The following RBMS1 variants were observed in gnomAD, a reference collection of about 807,000 sequenced individuals.
RBMS1 encodes RNA binding motif single stranded interacting protein 1.
In RBMS1, 17 loss-of-function variants were observed where a neutral mutation model predicts 62.3. The observed-to-expected ratio is 0.27, with a 90% CI of 0.19 to 0.41. The LOEUF is 0.41. Ranked by LOEUF, RBMS1 falls within the 10% of genes least tolerant of loss-of-function variation. The pLI is 1.00. For missense variants in RBMS1, 334 were observed against 504.5 expected (o/e 0.66, Z 3.24); for synonymous variants, 172 against 170.0 (o/e 1.01, Z -0.09).
At chr2:160,283,306 A>C in intron 9 of RBMS1, 1 of 152,232 alleles carries the variant, frequency 6.6e-6, no homozygotes, top group Non-Finnish European at 1.5e-5. Context: ...CATAGCAGAC[A>C]CATGAATTGT....
intron 1 of RBMS1, among the ~76,000 whole-genome samples, chr2:160,446,409 CTG>C (rs1683648087): frequency 6.6e-6 from 1 of 152,206 alleles, no homozygotes. Flanking sequence ...ACACTTCTAC[CTG>C]TTTGTTCTAA....
chr2:160,334,904 C>A (rs1691482576), intron 2 of RBMS1, among the ~76,000 whole-genome samples: 1 of 150,732 alleles, frequency 6.6e-6, no homozygotes, highest in Non-Finnish European at 1.5e-5. Flanking sequence ...ACACTTAAAG[C>A]TATAATGGAT....
intron 1 of RBMS1, among the ~76,000 whole-genome samples, chr2:160,372,197 A>G (rs1433989310): frequency 1.3e-5 from 2 of 149,408 alleles, no homozygotes; most frequent in Admixed American, 1.4e-4. Flanking sequence ...CCCCCACCTT[A>G]CTTAGCCACT....
At chr2:160,284,477 G>A (rs1159771233) in intron 9 of RBMS1, 1 of 381,266 alleles carries the variant, frequency 2.6e-6, no homozygotes, top group Non-Finnish European at 4.9e-6. Flanking sequence ...CAATTTTTGG[G>A]ACACATGGTG....
At chr2:160,394,332 C>T (rs144620011) in intron 1 of RBMS1, among the ~76,000 whole-genome samples, 20 of 152,226 alleles carry the variant, frequency 1.3e-4, no homozygotes, top group African/African-American at 4.1e-4. Flanking sequence ...GGAACTTACA[C>T]CTAGAAACCA....
chr2:160,284,781 G>A lies in RBMS1; in HGVS notation c.894C>T (p.Ala298=). The A allele has an allele frequency of 6.3e-7, 1 of 1,589,772 alleles. No individual in the cohort carries two copies. Among genetic ancestry groups the A allele is most frequent in the Non-Finnish European group, 8.6e-7 (1 of 1,157,946 alleles). Residue 298 remains alanine, a synonymous_variant, in exon 9 of 14, where the codon GCC becomes GCT. Transcript: ENST00000348849. ...GAATCCTAAAGGTACAAACCTGGTAGGCAGATACAGGAGATGCAATATAGG... is the reference window on the plus strand; with the variant it reads ...GAATCCTAAAGGTACAAACCTGGTAAGCAGATACAGGAGATGCAATATAGG... ...ITPYIASPVS[A]YQVQSPSWMQ... is the part of the protein sequence containing the mutation.
intron 1 of RBMS1, among the ~76,000 whole-genome samples, chr2:160,432,154 A>C (rs1398608912): frequency 6.6e-6 from 1 of 152,208 alleles, no homozygotes; most frequent in Non-Finnish European, 1.5e-5. Context: ...TGTACTTCTG[A>C]AGATACAAAG....
chr2:160,312,358 C>T (rs1689972531), intron 4 of RBMS1, among the ~76,000 whole-genome samples: 1 of 151,776 alleles, frequency 6.6e-6, no homozygotes, highest in Admixed American at 6.6e-5. Flanking sequence ...AGGGAAACTA[C>T]CATAATATGA....
At chr2:160,345,073 T>A (rs1284831800) in intron 2 of RBMS1, among the ~76,000 whole-genome samples, 1 of 152,064 alleles carries the variant, frequency 6.6e-6, no homozygotes. Flanking sequence ...GGACACCAAG[T>A]CTCAGGCAAA....
intron 2 of RBMS1, among the ~76,000 whole-genome samples, chr2:160,336,193 T>TA (rs1292943809): frequency 6.6e-6 from 1 of 152,176 alleles, no homozygotes; most frequent in African/African-American, 2.4e-5. Flanking sequence ...GCAAATTGGT[T>TA]ATACCCAGAG....
chr2:160,377,260 G>C (rs1042849748), intron 1 of RBMS1, among the ~76,000 whole-genome samples: 5 of 152,086 alleles, frequency 3.3e-5, no homozygotes, highest in Non-Finnish European at 7.3e-5. Context: ...ATCTTTCCTA[G>C]TATATTTCGT....
At chr2:160,277,165 C>T in intron 12 of RBMS1, 138 bp downstream of exon 12, 1 of 734,726 alleles carries the variant, frequency 1.4e-6, no homozygotes, top group South Asian at 1.9e-5. Context: ...GACTTACAGG[C>T]ATGACCCACC....
intron 2 of RBMS1, among the ~76,000 whole-genome samples, chr2:160,324,648 A>C (rs1256724438): frequency 6.6e-6 from 1 of 151,926 alleles, no homozygotes; most frequent in Non-Finnish European, 1.5e-5. Flanking sequence ...TGAAGGACAA[A>C]CAGGGATTCA....
chr2:160,296,712 G>GC (rs1553502694), intron 6 of RBMS1, among the ~76,000 whole-genome samples: 3 of 152,036 alleles, frequency 2.0e-5, no homozygotes. Context: ...GGCCTGACCT[G>GC]TTTTTTTATG....
intron 3 of RBMS1, among the ~76,000 whole-genome samples, chr2:160,316,580 G>A (rs1050362412): frequency 3.3e-5 from 5 of 152,136 alleles, no homozygotes; most frequent in East Asian, 1.9e-4. Flanking sequence ...TCTAGATCAC[G>A]TAGAGCACTT....
At chr2:160,420,773 C>A (rs1696392341) in intron 1 of RBMS1, among the ~76,000 whole-genome samples, 1 of 152,084 alleles carries the variant, frequency 6.6e-6, no homozygotes, top group Non-Finnish European at 1.5e-5. Context: ...AAAGAATGAA[C>A]CAGAACATGG....
intron 4 of RBMS1, among the ~76,000 whole-genome samples, chr2:160,307,341 C>T (rs1056743014): frequency 2.4e-5 from 3 of 125,632 alleles, no homozygotes; most frequent in Non-Finnish European, 4.8e-5. Context: ...TATTCCTGCT[C>T]GTGTGACTGC....
In RBMS1 at chr2:160,346,363, G is replaced by T. The variant is rs148358224; in HGVS notation, c.251+20853C>A. The stretch of plus-strand genomic sequence containing the variant: ...TGCATGGGGCCCTGGGGCAGCCTGG[G>T]CATTCTTTCAGAAGAGTGGCCTGCT... On this transcript the variant is annotated intron_variant, in intron 2 of 13. Transcript: ENST00000348849. Among the ~76,000 whole-genome samples, 474 of 152,266 alleles carry T rather than the reference G, an allele frequency of 3.1e-3. 5 individuals carry two copies. The highest frequency in any genetic ancestry group is 0.011 in the African/African-American group (458 of 41,546).
intron 4 of RBMS1, among the ~76,000 whole-genome samples, chr2:160,304,028 C>T (rs967242377): frequency 1.8e-4 from 27 of 151,800 alleles, no homozygotes; most frequent in African/African-American, 6.3e-4. Context: ...TTAACGAAAA[C>T]AAGAAATAAC....
Sources: allele counts gnomAD v4.1 joint callset (sites outside exome capture counted in the v4.1 genomes callset), GRCh38; gene constraint gnomAD v4.1.1; transcripts MANE v1.5; gene names NCBI Gene and HGNC (gene_info 2026-07-23, HGNC 2026-07-21).